ZBTB20: variants seen among roughly 807,000 people sequenced by gnomAD.
The protein encoded by ZBTB20 is zinc finger and BTB domain containing 20, also known as zinc finger and BTB domain-containing protein 20.
ZBTB20 carries 9 observed loss-of-function variants against 56.9 expected under a neutral mutation model. The ratio of observed to expected loss-of-function variants is 0.16; its 90% CI spans 0.10 to 0.28. The LOEUF is 0.28. ZBTB20 is among the 10% of genes least tolerant of loss of function. The probability of loss-of-function intolerance (pLI) is 1.00; values close to 1 mark genes in which losing one functional copy is unlikely to be tolerated. For synonymous variants in ZBTB20, 417 were observed against 420.7 expected, an observed-to-expected ratio of 0.99 and a Z score of 0.11; for missense variants, 655 against 1,003.0, an observed-to-expected ratio of 0.65 and a Z score of 4.69.
chr3:114,766,489 A>ATGTGTGTG (rs71297433), intron 5 of ZBTB20, among the ~76,000 whole-genome samples: 3,700 of 139,040 alleles, frequency 0.027, 59 homozygotes, highest in African/African-American at 0.041. Context: ...TGGGATGGAA[A>ATGTGTGTG]TGTGTGTGTG....
Position 114,968,345 on chromosome 3 carries a change from T to C in ZBTB20, c.-456+6021A>G, listed in dbSNP as rs371680071. On this transcript the variant is annotated intron_variant, in intron 3 of 11. Coordinates refer to ENST00000675478, the MANE Select transcript of ZBTB20 (RefSeq NM_001348800.3). ...GTTTGAGAGGTCATACCTCAAATTA[T>C]AACCTTAAAAAACTGATTATTTGTG... Among the ~76,000 whole-genome samples, 191 of 152,326 alleles carry C rather than the reference T, an allele frequency of 1.3e-3. 7 individuals carry two copies. In the South Asian group the frequency reaches 0.039, roughly 31 times the overall value.
chr3:114,738,619 A>T (rs1231828260), intron 5 of ZBTB20, among the ~76,000 whole-genome samples: 1 of 152,192 alleles, frequency 6.6e-6, no homozygotes, highest in East Asian at 1.9e-4. Flanking sequence ...TTCATTTTTT[A>T]AAAATTCATT....
At chr3:114,539,865 G>T (rs146718868) in intron 6 of ZBTB20, among the ~76,000 whole-genome samples, 1 of 148,434 alleles carries the variant, frequency 6.7e-6, no homozygotes, top group East Asian at 2.0e-4. Context: ...TGCTATAAAT[G>T]TTCATCTTCT....
chr3:114,532,029 G>T (rs1048887566), intron 6 of ZBTB20, among the ~76,000 whole-genome samples: 1 of 152,190 alleles, frequency 6.6e-6, no homozygotes, highest in Non-Finnish European at 1.5e-5. Flanking sequence ...TACACCACGA[G>T]GGCCCTGGGT....
In ZBTB20 at chr3:114,339,138, C is replaced by G. The variant is rs2079575323; in HGVS notation, c.2093G>C (p.Gly698Ala). ...NGTPPAGTPP[G>A]ARAGPPGVVA... ...CACGCCTGGGGGGCCAGCGCGGGCA[C>G]CTGGGGGTGTGCCTGCAGGGGGGGT... is the stretch of plus-strand genomic sequence containing the variant. The change falls in exon 12 of 12, where the codon GGT becomes GCT. Residue 698 changes from glycine to alanine, a missense_variant. Around this residue, in one of 10 missense-constraint regions of ZBTB20, gnomAD observed 89 missense variants for 79.7 expected, o/e 1.12. Coordinates refer to ENST00000675478, the MANE Select transcript of ZBTB20 (RefSeq NM_001348800.3). This position sits in a 1 kb window ranked among gnomAD's most constrained non-coding sequence, Gnocchi z 4.2. 6.2e-7 allele frequency: 1 copy of G among 1,613,414 alleles called. No homozygotes were observed. The highest frequency in any genetic ancestry group is 8.5e-7 in the Non-Finnish European group (1 of 1,179,490).
rs1331322346 is a variant in ZBTB20, at chr3:114,329,721, A to C, written c.*9284T>G. The C allele has an allele frequency of 2.8e-5, 4 of 141,238 alleles. No individual in the cohort carries two copies. Among genetic ancestry groups the C allele is most frequent in the Non-Finnish European group, 3.1e-5 (2 of 64,060 alleles). 8.7% of individuals were successfully genotyped at this position (141,238 alleles called of 1,614,324 possible). On this transcript the variant is annotated 3_prime_UTR_variant, in exon 12 of 12. Transcript: ENST00000675478. ...TTTACTTTTTTTGGAAAAAAAAAAAAAAAAAAAAAAAAAAAACAACTCCCA... is the reference window on the plus strand; with the variant it reads ...TTTACTTTTTTTGGAAAAAAAAAAACAAAAAAAAAAAAAAAACAACTCCCA...
intron 2 of ZBTB20, among the ~76,000 whole-genome samples, chr3:115,024,993 T>C (rs781356866): frequency 1.9e-4 from 28 of 151,228 alleles, no homozygotes; most frequent in African/African-American, 6.5e-4. Flanking sequence ...GTTTGTTACA[T>C]AGGTAAATTT....
intron 1 of ZBTB20, among the ~76,000 whole-genome samples, chr3:115,139,936 C>T (rs1220032000): frequency 6.6e-6 from 1 of 151,888 alleles, no homozygotes; most frequent in Non-Finnish European, 1.5e-5. Context: ...TACTAGTGTG[C>T]TATGTTAGAA....
intron 2 of ZBTB20, among the ~76,000 whole-genome samples, chr3:115,056,437 T>C (rs527430481): frequency 6.6e-6 from 1 of 152,146 alleles, no homozygotes; most frequent in Non-Finnish European, 1.5e-5. Context: ...CTGGCAATGA[T>C]TTTATCCTAA....
At chr3:114,716,229 C>A (rs142361553) in intron 5 of ZBTB20, among the ~76,000 whole-genome samples, 5 of 152,234 alleles carry the variant, frequency 3.3e-5, no homozygotes, top group African/African-American at 1.2e-4. Context: ...AAAATCCAGC[C>A]CATGCTGGAT....
chr3:114,909,755 C>T (rs921830540), intron 3 of ZBTB20, among the ~76,000 whole-genome samples: 3 of 151,932 alleles, frequency 2.0e-5, no homozygotes, highest in South Asian at 2.1e-4. Flanking sequence ...GTATCCCTGT[C>T]ATTACGAGAT....
intron 4 of ZBTB20, among the ~76,000 whole-genome samples, chr3:114,815,587 A>C (rs1246861878): frequency 6.6e-6 from 1 of 152,216 alleles, no homozygotes; most frequent in Non-Finnish European, 1.5e-5. Flanking sequence ...CTATAAAATT[A>C]ATTTAGTAAT....
intron 3 of ZBTB20, chr3:114,930,480 C>G (rs1164053202): frequency 6.5e-6 from 1 of 153,320 alleles, no homozygotes; most frequent in African/African-American, 2.4e-5. Flanking sequence ...ACCACCGCCC[C>G]CGGCCTAGTT....
At chr3:114,434,164 G>GT (rs1404223294) in intron 7 of ZBTB20, among the ~76,000 whole-genome samples, 2 of 151,986 alleles carry the variant, frequency 1.3e-5, no homozygotes, top group Non-Finnish European at 2.9e-5. Flanking sequence ...AAAAAGTTCA[G>GT]TTTTTTACCC....
intron 2 of ZBTB20, among the ~76,000 whole-genome samples, chr3:115,045,269 T>C (rs542027884): frequency 7.1e-4 from 108 of 152,318 alleles, no homozygotes; most frequent in Non-Finnish European, 1.2e-3. Context: ...ACATGTAGTA[T>C]ATGTTCCTAT....
chr3:115,140,927 CTTTG>C (rs1318897061), intron 1 of ZBTB20, among the ~76,000 whole-genome samples: 1 of 152,174 alleles, frequency 6.6e-6, no homozygotes, highest in African/African-American at 2.4e-5. Flanking sequence ...AGGCTGGCTG[CTTTG>C]TTTGACTATA....
intron 5 of ZBTB20, among the ~76,000 whole-genome samples, chr3:114,774,619 A>G (rs1485726361): frequency 2.6e-5 from 4 of 152,170 alleles, no homozygotes; most frequent in African/African-American, 9.7e-5. Context: ...GTCCCCATTT[A>G]ATATTTCTAA....
intron 7 of ZBTB20, among the ~76,000 whole-genome samples, chr3:114,401,083 G>GACACACACACACACACAC (rs201829025): frequency 0.059 from 7,793 of 132,938 alleles, 481 homozygotes; most frequent in East Asian, 0.13. Context: ...CTACCTCCCA[G>GACACACACACACACACAC]ACACACACAC....
At chr3:114,764,820 G>C (rs944760246) in intron 5 of ZBTB20, among the ~76,000 whole-genome samples, 3 of 152,086 alleles carry the variant, frequency 2.0e-5, no homozygotes, top group African/African-American at 7.2e-5. Flanking sequence ...AGTTAACATA[G>C]TCAAAAACCC....
Sources: gnomAD v4.1 joint callset for allele counts (sites outside exome capture counted in the v4.1 genomes callset) on GRCh38, gnomAD v4.1.1 for gene constraint, gnomAD v4.1.1 regional missense constraint, Gnocchi (gnomAD v3.1) non-coding constraint, MANE v1.5 for transcripts, NCBI Gene and HGNC (gene_info 2026-07-23, HGNC 2026-07-21) for gene names.